Variants in PDE4B observed in about 807,000 individuals in gnomAD.
PDE4B encodes the protein 3',5'-cyclic-AMP phosphodiesterase 4B.
A neutral mutation model predicts 82.2 loss-of-function variants in PDE4B; 20 were observed. The ratio of observed to expected loss-of-function variants is 0.24; its 90% confidence interval spans 0.17 to 0.35. The LOEUF (loss-of-function observed/expected upper bound fraction) is 0.35, where lower values mean the gene tolerates loss of function less well. Ranked by LOEUF, PDE4B falls within the 10% of genes least tolerant of loss-of-function variation. The pLI, the probability that PDE4B is intolerant of heterozygous loss-of-function variation, is 1.00. For missense variants in PDE4B, 655 were observed against 907.2 expected (o/e 0.72, Z 3.57); for synonymous variants, 320 against 318.9 (o/e 1.00, Z -0.04).
At chr1:66,219,009 C>T (rs763961282) in intron 3 of PDE4B, among the ~76,000 whole-genome samples, 6 of 152,050 alleles carry the variant, frequency 3.9e-5, no homozygotes, top group Admixed American at 6.6e-5. Flanking sequence ...CATCAGTGTT[C>T]CTGTCTTCTC....
intron 3 of PDE4B, among the ~76,000 whole-genome samples, chr1:65,950,467 A>T (rs1201359011): frequency 6.6e-6 from 1 of 151,994 alleles, no homozygotes; most frequent in Non-Finnish European, 1.5e-5. Flanking sequence ...CAGGTTAGGG[A>T]TCCTTGTTTA....
intron 3 of PDE4B, among the ~76,000 whole-genome samples, chr1:66,122,790 C>G (rs1645740347): frequency 1.4e-5 from 2 of 145,968 alleles, no homozygotes; most frequent in African/African-American, 2.5e-5. Context: ...ACTGCAACCT[C>G]TGCTTCCCGG....
In PDE4B at chr1:65,809,332, C is replaced by CA. The variant is rs11366228; in HGVS notation, c.-71+16114dup. On this transcript the variant is annotated intron_variant, in intron 1 of 16. Transcript: ENST00000341517. ...GGTGACAGAGTGAGACTCCATCTCACAAAAAAAAAAAAAAAAAAAAAAAAA... is the reference window on the plus strand; with the variant it reads ...GGTGACAGAGTGAGACTCCATCTCACAAAAAAAAAAAAAAAAAAAAAAAAAA... Among the ~76,000 whole-genome samples the CA allele has an allele frequency of 1.2e-3, 86 of 72,524 alleles. 1 individual carries two copies. Among genetic ancestry groups the CA allele is most frequent in the East Asian group, 3.6e-3 (10 of 2,794 alleles). The allele number at this position is 72,524 out of a possible 152,430, so 47.6% of individuals were successfully genotyped here.
chr1:66,218,032 A>G (rs1650640621), intron 3 of PDE4B, among the ~76,000 whole-genome samples: 1 of 152,150 alleles, frequency 6.6e-6, no homozygotes, highest in African/African-American at 2.4e-5. Flanking sequence ...GATTTGATGG[A>G]GGAGAAATTG....
intron 3 of PDE4B, among the ~76,000 whole-genome samples, chr1:66,149,440 G>A (rs1381847806): frequency 6.6e-6 from 1 of 151,934 alleles, no homozygotes; most frequent in Non-Finnish European, 1.5e-5. Flanking sequence ...ATCATTTGTA[G>A]CACATTAATT....
chr1:66,178,839 A>T (rs1016595355), intron 3 of PDE4B, among the ~76,000 whole-genome samples: 45 of 152,076 alleles, frequency 3.0e-4, no homozygotes, highest in African/African-American at 1.1e-3. Context: ...TCAGAAAAAG[A>T]TCTATCTTAA....
intron 3 of PDE4B, among the ~76,000 whole-genome samples, chr1:66,028,743 C>T (rs1653594103): frequency 6.6e-6 from 1 of 152,182 alleles, no homozygotes; most frequent in Admixed American, 6.5e-5. Context: ...GGGCAAAATG[C>T]CACCAGTCTT....
At chr1:66,114,275 T>C (rs1488985990) in intron 3 of PDE4B, among the ~76,000 whole-genome samples, 1 of 152,192 alleles carries the variant, frequency 6.6e-6, no homozygotes, top group African/African-American at 2.4e-5. Flanking sequence ...CTACTGTTTA[T>C]GAGCTACTCA....
chr1:66,184,977 T>C (rs1222189639), intron 3 of PDE4B, among the ~76,000 whole-genome samples: 1 of 152,128 alleles, frequency 6.6e-6, no homozygotes, highest in South Asian at 2.1e-4. Context: ...CTCCTAATGC[T>C]ATCCCTCCCC....
Position 65,816,601 on chromosome 1 carries a change from A to G in PDE4B, c.-71+23353A>G, listed in dbSNP as rs183951670. ...CACAGATTTCATCACAAAGATTTAT[A>G]AACAAGGATGTTAGTCAAGCACTAT... On this transcript the variant is annotated intron_variant, in intron 1 of 16. Transcript: ENST00000341517. Among the ~76,000 whole-genome samples, 884 of 152,336 alleles carry G rather than the reference A, an allele frequency of 5.8e-3. 6 individuals are homozygous for G. The highest frequency in any genetic ancestry group is 9.7e-3 in the Non-Finnish European group (661 of 68,030).
chr1:66,101,488 C>A (rs1433227438), intron 3 of PDE4B, among the ~76,000 whole-genome samples: 1 of 152,198 alleles, frequency 6.6e-6, no homozygotes, highest in Admixed American at 6.5e-5. Flanking sequence ...TCCTCTCCAG[C>A]ACCTGTTGTT....
intron 7 of PDE4B, among the ~76,000 whole-genome samples, chr1:66,314,727 A>T (rs1315121195): frequency 6.6e-6 from 1 of 152,086 alleles, no homozygotes; most frequent in African/African-American, 2.4e-5. Flanking sequence ...CTGTGTTTTC[A>T]TCACTCTATT....
intron 7 of PDE4B, among the ~76,000 whole-genome samples, chr1:66,321,241 C>T (rs939426822): frequency 6.6e-6 from 1 of 152,166 alleles, no homozygotes; most frequent in Non-Finnish European, 1.5e-5. Flanking sequence ...ACTCAAAATA[C>T]ACTAACAAAA....
intron 1 of PDE4B, among the ~76,000 whole-genome samples, chr1:65,795,816 G>A (rs564466230): frequency 7.2e-5 from 11 of 152,282 alleles, no homozygotes; most frequent in Non-Finnish European, 2.9e-5. Flanking sequence ...ATAACAAGGC[G>A]GTTCCCAAGA....
At chr1:66,371,767 T>G (rs1006834064) in intron 16 of PDE4B, among the ~76,000 whole-genome samples, 4 of 152,204 alleles carry the variant, frequency 2.6e-5, no homozygotes, top group African/African-American at 9.6e-5. Context: ...CTCATCACTT[T>G]GGAATAGCAA....
intron 3 of PDE4B, among the ~76,000 whole-genome samples, chr1:65,969,015 T>G (rs759685159): frequency 6.6e-6 from 1 of 152,136 alleles, no homozygotes; most frequent in Non-Finnish European, 1.5e-5. Context: ...TTGTAGAAAA[T>G]AGAATGTAAC....
intron 4 of PDE4B, chr1:66,257,384 TC>T: frequency 1.6e-6 from 1 of 638,822 alleles, no homozygotes; most frequent in Non-Finnish European, 2.9e-6. Flanking sequence ...TGGGAATATA[TC>T]CTGAGGATAT....
chr1:66,263,045 C>G lies in PDE4B; in HGVS notation c.585-2993C>G, dbSNP rs58925684. Among the ~76,000 whole-genome samples the G allele has an allele frequency of 1.4e-4, 22 of 152,306 alleles. No homozygotes were observed. The East Asian group carries it at 4.2e-3, about 29-fold the overall frequency. On this transcript the variant is annotated intron_variant, in intron 6 of 16. Coordinates refer to ENST00000341517, the MANE Select transcript of PDE4B (RefSeq NM_002600.4). ...AAAATTATTAAAATGCATTATTAAT[C>G]CAGTGCGTATGTGTTGAGTACCTCC...
intron 3 of PDE4B, among the ~76,000 whole-genome samples, chr1:65,982,340 T>C (rs188656440): frequency 6.8e-4 from 103 of 152,328 alleles, no homozygotes; most frequent in African/African-American, 2.4e-3. Context: ...TCCTGGTTTC[T>C]CCTTACTGTT....
Sources: allele counts gnomAD v4.1 joint callset (sites outside exome capture counted in the v4.1 genomes callset), GRCh38; gene constraint gnomAD v4.1.1; transcripts MANE v1.5; gene names NCBI Gene and HGNC (gene_info 2026-07-23, HGNC 2026-07-21).